The following NFATC2 variants were observed in gnomAD, a reference collection of about 807,000 sequenced individuals.
NFATC2 encodes nuclear factor of activated T-cells, cytoplasmic 2.
A neutral mutation model predicts 87.3 loss-of-function variants in NFATC2; 22 were observed. The ratio of observed to expected loss-of-function variants is 0.25; its 90% CI spans 0.18 to 0.36. The LOEUF (loss-of-function observed/expected upper bound fraction) is 0.36. Ranked by LOEUF, NFATC2 falls within the 10% of genes least tolerant of loss-of-function variation. The probability of loss-of-function intolerance (pLI) is 1.00; values close to 1 mark genes in which losing one functional copy is unlikely to be tolerated. For synonymous variants in NFATC2, 565 were observed against 542.2 expected (o/e 1.04, Z -0.58); for missense variants, 1,149 against 1,259.1 (o/e 0.91, Z 1.32).
chr20:51,415,172 G>T (rs970500062), intron 9 of NFATC2, among the ~76,000 whole-genome samples: 1 of 150,922 alleles, frequency 6.6e-6, no homozygotes, highest in Non-Finnish European at 1.5e-5. Flanking sequence ...CTTGGGCCTG[G>T]GAGTTTGAGG....
intron 6 of NFATC2, among the ~76,000 whole-genome samples, chr20:51,450,319 GT>G (rs1300683489): frequency 1.3e-5 from 2 of 152,192 alleles, no homozygotes; most frequent in Admixed American, 1.3e-4. Flanking sequence ...GGGGCAGCAT[GT>G]ATCAACTGAA....
chr20:51,535,096 C>A (rs1568740671), intron 1 of NFATC2, among the ~76,000 whole-genome samples: 1 of 152,186 alleles, frequency 6.6e-6, no homozygotes, highest in Non-Finnish European at 1.5e-5. Flanking sequence ...TGACAGAGAA[C>A]AGACCTCAGA....
intron 3 of NFATC2, among the ~76,000 whole-genome samples, chr20:51,482,130 C>G (rs1989311984): frequency 6.6e-6 from 1 of 151,964 alleles, no homozygotes; most frequent in African/African-American, 2.4e-5. Flanking sequence ...CCCCAGCCCC[C>G]CAAGTCTGGC....
intron 9 of NFATC2, among the ~76,000 whole-genome samples, chr20:51,428,030 A>ATACTAGTG (rs1271629286): frequency 6.6e-6 from 1 of 152,200 alleles, no homozygotes; most frequent in African/African-American, 2.4e-5. Context: ...CAGCCAGAAA[A>ATACTAGTG]TACTAGTGGG....
chr20:51,528,994 G>T lies in NFATC2; in HGVS notation c.131-4884C>A, dbSNP rs974463210. 2.0e-5 allele frequency among the ~76,000 whole-genome samples: 3 copies of T among 152,182 alleles called. No individual in the cohort carries two copies. The East Asian group carries it at 5.8e-4, about 29-fold the overall frequency. ...TGAGGCTGTAGTTTAATGTAAATGT[G>T]TATTTGAATTCGCACATACACACAC... On this transcript the variant is annotated intron_variant, in intron 1 of 10. Coordinates refer to ENST00000371564, the MANE Select transcript of NFATC2 (RefSeq NM_012340.5).
intron 2 of NFATC2, among the ~76,000 whole-genome samples, chr20:51,522,449 T>C (rs928043934): frequency 3.9e-5 from 6 of 152,178 alleles, no homozygotes; most frequent in African/African-American, 1.4e-4. Context: ...TTCACTCAGG[T>C]AGTGAGTGGC....
rs1986189652 is a variant in NFATC2 at position 51,454,561 on chromosome 20, A to C, written c.1836T>G (p.Thr612=). 1 of 1,613,992 alleles carries C rather than the reference A, an allele frequency of 6.2e-7. No individual in the cohort carries two copies. Residue 612 remains threonine, a synonymous_variant, in exon 6 of 11, where the codon ACT becomes ACG. Transcript: ENST00000371564. The part of the protein sequence containing the change: ...NFTSESKVVF[T]EKTTDGQQIW... Reference sequence around the variant, plus strand: ...AAATCCACTGACCTGTGGTCTTCTCAGTAAACACAACTTTGGACTCGGATG... The same window carrying C: ...AAATCCACTGACCTGTGGTCTTCTCCGTAAACACAACTTTGGACTCGGATG...
chr20:51,433,712 A>AGTGTGTGTGCATGT (rs1379848832), intron 8 of NFATC2, among the ~76,000 whole-genome samples: 1 of 150,688 alleles, frequency 6.6e-6, no homozygotes, highest in Non-Finnish European at 1.5e-5. Flanking sequence ...ACTGTGACCA[A>AGTGTGTGTGCATGT]GTGTGTGTGC....
chr20:51,459,381 G>T (rs1385536681), intron 5 of NFATC2, among the ~76,000 whole-genome samples: 1 of 152,068 alleles, frequency 6.6e-6, no homozygotes, highest in African/African-American at 2.4e-5. Context: ...AGCAGATCGG[G>T]GCTCACTGGG....
intron 3 of NFATC2, among the ~76,000 whole-genome samples, chr20:51,491,066 C>T (rs2075874273): frequency 6.6e-6 from 1 of 152,200 alleles, no homozygotes; most frequent in Non-Finnish European, 1.5e-5. Flanking sequence ...AGGAGGTCTG[C>T]TAAGGACTCT....
intron 2 of NFATC2, among the ~76,000 whole-genome samples, chr20:51,518,648 G>T (rs897976671): frequency 6.6e-5 from 10 of 151,808 alleles, no homozygotes; most frequent in African/African-American, 1.9e-4. Context: ...CTAACCATAT[G>T]ATTTCCATAT....
chr20:51,562,358 C>CCTT lies in NFATC2; in HGVS notation c.70+199_70+201dup, dbSNP rs1337107278. Among the ~76,000 whole-genome samples the CCTT allele has an allele frequency of 6.6e-6, 1 of 152,228 alleles. No individual in the cohort carries two copies. The highest frequency in any genetic ancestry group is 2.1e-4 in the South Asian group (1 of 4,834). The stretch of plus-strand genomic sequence containing the variant: ...CCCCGCGTAAAGTTGTCCAAAGTCG[C>CCTT]CTTCCCAAGTGTCCCTTCCCTGGCC... On this transcript the variant is annotated intron_variant, in intron 1 of 10. Coordinates refer to the NFATC2 transcript ENST00000414705. The surrounding 1 kb of genome is among the most constrained non-coding windows in gnomAD (Gnocchi z 5.8).
intron 1 of NFATC2, among the ~76,000 whole-genome samples, chr20:51,554,823 T>A (rs1369435252): frequency 6.6e-6 from 1 of 152,162 alleles, no homozygotes; most frequent in African/African-American, 2.4e-5. Flanking sequence ...TGGATCAAGA[T>A]GAAACCCAGA....
intron 3 of NFATC2, among the ~76,000 whole-genome samples, chr20:51,486,874 G>A (rs946024029): frequency 6.6e-6 from 1 of 152,122 alleles, no homozygotes; most frequent in South Asian, 2.1e-4. Context: ...CACCATGAAA[G>A]AGACATATTA....
At chr20:51,488,793 C>T (rs2075828555) in intron 3 of NFATC2, among the ~76,000 whole-genome samples, 1 of 152,192 alleles carries the variant, frequency 6.6e-6, no homozygotes, top group South Asian at 2.1e-4. Flanking sequence ...TGTCCCTATC[C>T]TGAATAGAAT....
chr20:51,530,144 T>C (rs1600964983), intron 1 of NFATC2, among the ~76,000 whole-genome samples: 1 of 152,304 alleles, frequency 6.6e-6, no homozygotes, highest in Middle Eastern at 3.4e-3. Flanking sequence ...AGTACCTCAC[T>C]GAAGCGCTAC....
chr20:51,499,479 A>G (rs892056159), intron 3 of NFATC2, among the ~76,000 whole-genome samples: 2 of 152,202 alleles, frequency 1.3e-5, no homozygotes, highest in Non-Finnish European at 2.9e-5. Context: ...GCGGCCGGGC[A>G]CGGTGGCTCA....
At chr20:51,519,142 C>T (rs2076400767) in intron 2 of NFATC2, among the ~76,000 whole-genome samples, 1 of 152,166 alleles carries the variant, frequency 6.6e-6, no homozygotes, top group African/African-American at 2.4e-5. Context: ...CACTTTTACC[C>T]ATATCATATA....
Position 51,389,930 on chromosome 20 carries a change from G to A in NFATC2, c.*1566C>T, listed in dbSNP as rs1479283476. The A allele has an allele frequency of 2.0e-5, 3 of 152,208 alleles. No individual in the cohort carries two copies. The highest frequency in any genetic ancestry group is 7.2e-5 in the African/African-American group (3 of 41,450). 9.4% of individuals were successfully genotyped at this position (152,208 alleles called of 1,614,324 possible). ...GTGCTAAGAATATTTTCACTTTGCTGCGGATTATTGAGGAAACAACTGAAT... is the reference window on the plus strand; with the variant it reads ...GTGCTAAGAATATTTTCACTTTGCTACGGATTATTGAGGAAACAACTGAAT... On this transcript the variant is annotated 3_prime_UTR_variant, in exon 11 of 11. Transcript: ENST00000371564.
Sources: gnomAD v4.1 joint callset for allele counts (sites outside exome capture counted in the v4.1 genomes callset) on GRCh38, gnomAD v4.1.1 for gene constraint, Gnocchi (gnomAD v3.1) non-coding constraint, MANE v1.5 for transcripts, NCBI Gene and HGNC (gene_info 2026-07-23, HGNC 2026-07-21) for gene names.